MAML2: variants seen among roughly 807,000 people sequenced by gnomAD.
MAML2 encodes mastermind like transcriptional coactivator 2.
Under a neutral mutation model 96.1 loss-of-function variants are expected in MAML2, and 22 were observed. That is an observed-to-expected ratio of 0.23 (90% confidence interval 0.16 to 0.33). MAML2 has a LOEUF of 0.33. Ranked by LOEUF, MAML2 falls within the 10% of genes least tolerant of loss-of-function variation. The pLI is 1.00. For missense variants in MAML2, 1,367 were observed against 1,392.4 expected, an observed-to-expected ratio of 0.98 and a Z score of 0.29; for synonymous variants, 561 against 521.3, an observed-to-expected ratio of 1.08 and a Z score of -1.04.
chr11:96,145,941 G>A (rs1200036112), intron 1 of MAML2, among the ~76,000 whole-genome samples: 3 of 152,036 alleles, frequency 2.0e-5, no homozygotes, highest in East Asian at 3.9e-4. Context: ...CCTGGGAGGC[G>A]GAGGTTGCAG....
chr11:96,276,965 T>C (rs988740744), intron 1 of MAML2, among the ~76,000 whole-genome samples: 1 of 152,166 alleles, frequency 6.6e-6, no homozygotes, highest in Non-Finnish European at 1.5e-5. Context: ...GTTTAGCTCA[T>C]ACGTGCAAGG....
chr11:96,245,779 A>T, intron 1 of MAML2, among the ~76,000 whole-genome samples: 1 of 147,706 alleles, frequency 6.8e-6, no homozygotes, highest in East Asian at 2.0e-4. Context: ...ATCTCGGCTC[A>T]CTGCAACCTC....
intron 1 of MAML2, among the ~76,000 whole-genome samples, chr11:96,178,193 C>T (rs1565239024): frequency 6.6e-6 from 1 of 151,640 alleles, no homozygotes; most frequent in Non-Finnish European, 1.5e-5. Context: ...AAAAGACATC[C>T]GTGGGTTTGT....
intron 2 of MAML2, among the ~76,000 whole-genome samples, chr11:96,030,051 G>A (rs1858588099): frequency 6.6e-6 from 1 of 152,106 alleles, no homozygotes; most frequent in Non-Finnish European, 1.5e-5. Flanking sequence ...GGCCAACACA[G>A]TGAAACCCCG....
chr11:96,139,432 C>G (rs942885401), intron 1 of MAML2, among the ~76,000 whole-genome samples: 2 of 148,398 alleles, frequency 1.3e-5, no homozygotes, highest in African/African-American at 4.9e-5. Flanking sequence ...AGCTGAGATC[C>G]CACCACTGCA....
At chr11:96,083,375 T>C (rs1161589811) in intron 2 of MAML2, among the ~76,000 whole-genome samples, 1 of 152,216 alleles carries the variant, frequency 6.6e-6, no homozygotes, top group Admixed American at 6.5e-5. Flanking sequence ...TGAAACTCTC[T>C]TACTTTACTT....
At chr11:96,183,599 G>A (rs1838180244) in intron 1 of MAML2, among the ~76,000 whole-genome samples, 1 of 150,244 alleles carries the variant, frequency 6.7e-6, no homozygotes, top group Non-Finnish European at 1.5e-5. Context: ...TAGCAACAGG[G>A]GGATCTCCCT....
At chr11:96,215,856 T>C (rs1194812280) in intron 1 of MAML2, among the ~76,000 whole-genome samples, 1 of 152,026 alleles carries the variant, frequency 6.6e-6, no homozygotes, top group East Asian at 1.9e-4. Flanking sequence ...AGTCCAGAAA[T>C]TACAGAACAA....
intron 2 of MAML2, among the ~76,000 whole-genome samples, chr11:96,039,123 T>C (rs1420584983): frequency 1.3e-5 from 2 of 152,086 alleles, no homozygotes; most frequent in African/African-American, 4.8e-5. Context: ...GGCATGATGA[T>C]GTATGCCTGT....
intron 1 of MAML2, among the ~76,000 whole-genome samples, chr11:96,295,459 G>C (rs1863280635): frequency 6.6e-6 from 1 of 152,132 alleles, no homozygotes; most frequent in Admixed American, 6.5e-5. Flanking sequence ...GCACGCTAAG[G>C]TACTCTGCTG....
At chr11:96,136,329 C>T (rs1019390779) in intron 1 of MAML2, among the ~76,000 whole-genome samples, 2 of 151,656 alleles carry the variant, frequency 1.3e-5, no homozygotes, top group African/African-American at 2.4e-5. Flanking sequence ...GTAATACATA[C>T]ACACATACAT....
intron 1 of MAML2, among the ~76,000 whole-genome samples, chr11:96,256,960 G>A (rs1862677066): frequency 6.6e-6 from 1 of 152,130 alleles, no homozygotes; most frequent in Non-Finnish European, 1.5e-5. Context: ...AGCAATCTCA[G>A]AACTAGAAAA....
At position 96,341,863 on chromosome 11, in the gene MAML2, T is replaced by A; in HGVS notation, c.33A>T (p.Ala11=). The A allele has an allele frequency of 1.3e-6, 2 of 1,536,934 alleles. No individual in the cohort carries two copies. Among genetic ancestry groups the A allele is most frequent in the Non-Finnish European group, 1.7e-6 (2 of 1,145,180 alleles). ...CCCCAGAGGCCCCCCCTAGCCCTCC[T>A]GCGGGGGCCTGCGGGGGCGCTGTGT... MGDTAPPQAP[A]GGLGGASGAG... is the part of the protein sequence containing the mutation. The change falls in exon 1 of 5, where the codon GCA becomes GCT. Residue 11 remains alanine (A), a synonymous_variant. Coordinates refer to ENST00000524717, the MANE Select transcript of MAML2 (RefSeq NM_032427.4).
intron 2 of MAML2, among the ~76,000 whole-genome samples, chr11:96,076,741 G>A (rs910470946): frequency 2.6e-5 from 4 of 152,170 alleles, no homozygotes; most frequent in African/African-American, 4.8e-5. Flanking sequence ...AGTTGGGAAC[G>A]TCTTGCTCTG....
chr11:96,047,157 T>C (rs115427278), intron 2 of MAML2, among the ~76,000 whole-genome samples: 1,948 of 152,312 alleles, frequency 0.013, 42 homozygotes, highest in African/African-American at 0.044. Flanking sequence ...AGTGTCCACA[T>C]AGATGTTGTT....
chr11:96,172,148 C>T (rs1478029944), intron 1 of MAML2, among the ~76,000 whole-genome samples: 1 of 152,212 alleles, frequency 6.6e-6, no homozygotes, highest in African/African-American at 2.4e-5. Flanking sequence ...TAGACCTCTG[C>T]TTATCACATA....
intron 2 of MAML2, among the ~76,000 whole-genome samples, chr11:96,067,220 G>T (rs1859259480): frequency 6.6e-6 from 1 of 152,126 alleles, no homozygotes; most frequent in Non-Finnish European, 1.5e-5. Flanking sequence ...TCTTCTGCTG[G>T]TAGCTACCAT....
chr11:96,059,648 T>C (rs1332399300), intron 2 of MAML2, among the ~76,000 whole-genome samples: 1 of 152,186 alleles, frequency 6.6e-6, no homozygotes, highest in East Asian at 1.9e-4. Context: ...TTCTTACCAG[T>C]TCAGCATCCT....
chr11:96,265,195 G>A (rs531672112), intron 1 of MAML2, among the ~76,000 whole-genome samples: 2 of 152,318 alleles, frequency 1.3e-5, no homozygotes, highest in East Asian at 3.9e-4. Context: ...ACGATGCAAA[G>A]CATTTCTGCC....
Sources: allele counts gnomAD v4.1 joint callset (sites outside exome capture counted in the v4.1 genomes callset), GRCh38; gene constraint gnomAD v4.1.1; transcripts MANE v1.5; gene names NCBI Gene and HGNC (gene_info 2026-07-23, HGNC 2026-07-21).